Variants in SPIRE1 observed in about 807,000 individuals in gnomAD.
The protein encoded by SPIRE1 is protein spire homolog 1.
SPIRE1 carries 40 observed loss-of-function variants against 94.1 expected under a neutral mutation model. The observed-to-expected ratio is 0.43, with a 90% confidence interval of 0.33 to 0.55. The LOEUF (loss-of-function observed/expected upper bound fraction) is 0.55, where lower values mean the gene tolerates loss of function less well. Among genes scored for constraint, SPIRE1 ranks in the 20% least tolerant of loss-of-function variants. SPIRE1 has a pLI of 0.06. For synonymous variants in SPIRE1, 376 were observed against 371.7 expected, an observed-to-expected ratio of 1.01 and a Z score of -0.13; for missense variants, 838 against 975.2, an observed-to-expected ratio of 0.86 and a Z score of 1.87.
intron 6 of SPIRE1, among the ~76,000 whole-genome samples, chr18:12,505,562 A>C (rs545134350): frequency 2.2e-3 from 300 of 138,896 alleles, no homozygotes; most frequent in Non-Finnish European, 3.9e-3. Flanking sequence ...CAAAAAAAAA[A>C]AAAAACAAAA....
chr18:12,476,588 T>TACAC (rs1232520154), intron 10 of SPIRE1, among the ~76,000 whole-genome samples: 20 of 104,440 alleles, frequency 1.9e-4, no homozygotes, highest in African/African-American at 5.2e-4. Flanking sequence ...TATATATATA[T>TACAC]ACACACACAC....
chr18:12,649,444 A>G (rs939542999), intron 1 of SPIRE1, among the ~76,000 whole-genome samples: 6 of 152,144 alleles, frequency 3.9e-5, no homozygotes, highest in African/African-American at 1.2e-4. Flanking sequence ...AATTCCCACT[A>G]CATTTGGTAA....
At chr18:12,604,674 GA>G (rs2036923444) in intron 2 of SPIRE1, among the ~76,000 whole-genome samples, 1 of 152,070 alleles carries the variant, frequency 6.6e-6, no homozygotes, top group African/African-American at 2.4e-5. Flanking sequence ...GTGAGCATTA[GA>G]AACATGGCAG....
intron 11 of SPIRE1, 57 bp downstream of exon 11, chr18:12,464,811 C>T (rs1000306740): frequency 1.4e-5 from 20 of 1,445,636 alleles, no homozygotes; most frequent in Non-Finnish European, 1.7e-5. Flanking sequence ...TGCTCTAGGT[C>T]AAGTGTGTTT....
At chr18:12,500,148 G>C (rs1391909474) in intron 6 of SPIRE1, among the ~76,000 whole-genome samples, 1 of 152,128 alleles carries the variant, frequency 6.6e-6, no homozygotes, top group East Asian at 1.9e-4. Flanking sequence ...TGGGAGGGGG[G>C]TCAGGGTTGA....
rs532112715 is a variant in SPIRE1 at position 12,587,883 on chromosome 18, T to A, written c.373-40979A>T. Among the ~76,000 whole-genome samples, 541 of 152,352 alleles carry A rather than the reference T, an allele frequency of 3.6e-3. 4 individuals are homozygous for A. Among genetic ancestry groups the A allele is most frequent in the South Asian group, 0.02 (98 of 4,830 alleles). ...CCAAAGTATCCATTTTAATACTTTT[T>A]AATATACTCAGAGTTGTACATTCAT... On this transcript the variant is annotated intron_variant, in intron 2 of 16. Transcript: ENST00000409402.
At chr18:12,515,605 CCT>C (rs764314736) in intron 4 of SPIRE1, among the ~76,000 whole-genome samples, 2 of 152,078 alleles carry the variant, frequency 1.3e-5, no homozygotes, top group Non-Finnish European at 2.9e-5. Flanking sequence ...GGTAAGCTGC[CCT>C]CTGTTTCAGG....
At chr18:12,596,185 G>A (rs1045586408) in intron 2 of SPIRE1, among the ~76,000 whole-genome samples, 2 of 152,140 alleles carry the variant, frequency 1.3e-5, no homozygotes, top group African/African-American at 4.8e-5. Context: ...AAAAGAGGAA[G>A]CCATATATAT....
intron 2 of SPIRE1, among the ~76,000 whole-genome samples, chr18:12,562,567 G>A (rs1410115636): frequency 1.3e-5 from 2 of 150,680 alleles, no homozygotes; most frequent in African/African-American, 2.4e-5. Context: ...AAACATGTAC[G>A]ATGGTAGTCT....
chr18:12,540,344 C>T (rs1228568686), intron 3 of SPIRE1, among the ~76,000 whole-genome samples: 1 of 152,114 alleles, frequency 6.6e-6, no homozygotes, highest in Non-Finnish European at 1.5e-5. Flanking sequence ...CCCTGTTTGT[C>T]CTTTCTAGAT....
intron 2 of SPIRE1, among the ~76,000 whole-genome samples, chr18:12,577,187 A>T (rs1156537461): frequency 3.3e-5 from 5 of 152,098 alleles, no homozygotes; most frequent in Non-Finnish European, 7.3e-5. Context: ...TAGCTCTGTC[A>T]CCCAGGCTAG....
chr18:12,458,006 A>G (rs1354968080), intron 12 of SPIRE1, among the ~76,000 whole-genome samples: 2 of 151,642 alleles, frequency 1.3e-5, no homozygotes, highest in Non-Finnish European at 2.9e-5. Flanking sequence ...CACTGAGCCC[A>G]GCTAATTTTT....
At chr18:12,576,485 G>C (rs961793348) in intron 2 of SPIRE1, among the ~76,000 whole-genome samples, 1 of 150,650 alleles carries the variant, frequency 6.6e-6, no homozygotes, top group African/African-American at 2.4e-5. Flanking sequence ...GGGAGGCTGA[G>C]GCAGGAGAAT....
At chr18:12,558,606 T>C (rs571004414) in intron 2 of SPIRE1, among the ~76,000 whole-genome samples, 65 of 152,332 alleles carry the variant, frequency 4.3e-4, no homozygotes, top group African/African-American at 1.3e-3. Flanking sequence ...TTAGTCTGTT[T>C]TGACAGAGTG....
At chr18:12,524,642 A>G (rs1327356773) in intron 4 of SPIRE1, among the ~76,000 whole-genome samples, 1 of 152,194 alleles carries the variant, frequency 6.6e-6, no homozygotes, top group Non-Finnish European at 1.5e-5. Context: ...ATAAGGCATG[A>G]GACACCGTGC....
At chr18:12,550,985 G>A (rs986348102) in intron 2 of SPIRE1, among the ~76,000 whole-genome samples, 1 of 152,178 alleles carries the variant, frequency 6.6e-6, no homozygotes, top group African/African-American at 2.4e-5. Context: ...CTCTTGCAAA[G>A]TGCTCTTATA....
At chr18:12,516,769 C>A (rs11663391) in intron 4 of SPIRE1, among the ~76,000 whole-genome samples, 52,153 of 151,950 alleles carry the variant, frequency 0.34, 9,287 homozygotes, top group South Asian at 0.52. Flanking sequence ...TTCAATGCCC[C>A]CCAAAACAGG....
At chr18:12,495,032 A>G (rs146038615) in intron 7 of SPIRE1, among the ~76,000 whole-genome samples, 3 of 144,026 alleles carry the variant, frequency 2.1e-5, no homozygotes, top group Non-Finnish European at 4.5e-5. Context: ...CCTGGGCGAC[A>G]AAGTGAGACT....
At chr18:12,454,002 C>G (rs2031378861) in intron 13 of SPIRE1, among the ~76,000 whole-genome samples, 1 of 152,128 alleles carries the variant, frequency 6.6e-6, no homozygotes, top group South Asian at 2.1e-4. Flanking sequence ...CCAGGATGGT[C>G]TTGATATCCC....
Sources: gnomAD v4.1 joint callset for allele counts (sites outside exome capture counted in the v4.1 genomes callset) on GRCh38, gnomAD v4.1.1 for gene constraint, MANE v1.5 for transcripts, NCBI Gene and HGNC (gene_info 2026-07-23, HGNC 2026-07-21) for gene names.